The following DENND1A variants were observed in gnomAD, a reference collection of about 807,000 sequenced individuals.
DENND1A encodes DENN domain-containing protein 1A.
DENND1A carries 51 observed loss-of-function variants against 113.7 expected under a neutral mutation model. That is an observed-to-expected ratio of 0.45 (90% CI 0.36 to 0.57). DENND1A has a LOEUF of 0.57. DENND1A is among the 20% of genes least tolerant of loss of function. The probability of loss-of-function intolerance (pLI) is 0.00; values close to 1 mark genes in which losing one functional copy is unlikely to be tolerated. For synonymous variants in DENND1A, 565 were observed against 570.8 expected, an observed-to-expected ratio of 0.99 and a Z score of 0.14; for missense variants, 1,258 against 1,395.9, an observed-to-expected ratio of 0.90 and a Z score of 1.57.
At chr9:123,755,099 G>A (rs974742559) in intron 5 of DENND1A, among the ~76,000 whole-genome samples, 7 of 151,506 alleles carry the variant, frequency 4.6e-5, no homozygotes, top group Admixed American at 4.6e-4. Context: ...GGCTTGAGCT[G>A]CTGAGGTCCA....
chr9:123,442,717 G>A (rs10986019), intron 18 of DENND1A, among the ~76,000 whole-genome samples: 2,949 of 152,238 alleles, frequency 0.019, 47 homozygotes, highest in Non-Finnish European at 0.026. Flanking sequence ...TTTGGAAAAA[G>A]CATCTTAGTT....
chr9:123,495,085 C>G (rs117304141), intron 13 of DENND1A, among the ~76,000 whole-genome samples: 2,617 of 151,532 alleles, frequency 0.017, 55 homozygotes, highest in Non-Finnish European at 0.022. Flanking sequence ...AGCCACTGCA[C>G]CTGGCCTTTT....
intron 5 of DENND1A, among the ~76,000 whole-genome samples, chr9:123,684,838 C>T (rs2064708278): frequency 6.6e-6 from 1 of 152,176 alleles, no homozygotes; most frequent in Non-Finnish European, 1.5e-5. Context: ...GCCCATGTCT[C>T]AGTATCTGGG....
At chr9:123,463,405 T>C (rs2048691851) in intron 13 of DENND1A, among the ~76,000 whole-genome samples, 1 of 152,200 alleles carries the variant, frequency 6.6e-6, no homozygotes, top group South Asian at 2.1e-4. Flanking sequence ...AATGACTCTA[T>C]CCACAGCATT....
chr9:123,928,735 T>C, intron 1 of DENND1A: 1 of 985,446 alleles, frequency 1.0e-6, no homozygotes, highest in South Asian at 4.7e-5. Flanking sequence ...GGGCATCACC[T>C]GGACATGAGA....
At chr9:123,420,817 C>T (rs1037494557) in intron 19 of DENND1A, among the ~76,000 whole-genome samples, 3 of 90,522 alleles carry the variant, frequency 3.3e-5, no homozygotes, top group Non-Finnish European at 6.4e-5. Context: ...GGGAAGGCTG[C>T]GTGGGGGCCG....
At chr9:123,695,264 A>C (rs548415984) in intron 5 of DENND1A, among the ~76,000 whole-genome samples, 457 of 152,264 alleles carry the variant, frequency 3.0e-3, no homozygotes, top group Non-Finnish European at 4.9e-3. Context: ...CCTTAACTTC[A>C]AAAGAAATTC....
chr9:123,440,524 T>C (rs1216759619), intron 18 of DENND1A, 33 bp from the exon 19 acceptor site: 4 of 1,527,452 alleles, frequency 2.6e-6, no homozygotes, highest in Non-Finnish European at 3.5e-6. Flanking sequence ...CGGTTGGCAC[T>C]GGGGTTCTGG....
chr9:123,842,391 T>C (rs905384815), intron 2 of DENND1A, among the ~76,000 whole-genome samples: 1 of 152,150 alleles, frequency 6.6e-6, no homozygotes, highest in African/African-American at 2.4e-5. Context: ...GAGGACCATA[T>C]TTGCAGAAAT....
At chr9:123,453,979 G>T (rs2047924580) in intron 16 of DENND1A, among the ~76,000 whole-genome samples, 1 of 152,244 alleles carries the variant, frequency 6.6e-6, no homozygotes, top group Non-Finnish European at 1.5e-5. Flanking sequence ...AACAAAGGAA[G>T]TCTTTCATGA....
intron 13 of DENND1A, among the ~76,000 whole-genome samples, chr9:123,517,431 C>T (rs2054030531): frequency 1.3e-5 from 2 of 152,068 alleles, no homozygotes; most frequent in South Asian, 4.2e-4. Flanking sequence ...ACCAGCCTGG[C>T]TAACATGGTG....
intron 13 of DENND1A, among the ~76,000 whole-genome samples, chr9:123,545,487 G>A (rs2056603959): frequency 6.6e-6 from 1 of 150,404 alleles, no homozygotes; most frequent in Non-Finnish European, 1.5e-5. Context: ...TTTTTTTTGA[G>A]ACAGAGTCTC....
chr9:123,470,199 G>A (rs974193947), intron 13 of DENND1A, among the ~76,000 whole-genome samples: 1 of 152,208 alleles, frequency 6.6e-6, no homozygotes, highest in African/African-American at 2.4e-5. Flanking sequence ...ATTACATAGG[G>A]TGAGTCCACA....
chr9:123,393,212 A>G (rs1333633671), intron 21 of DENND1A, among the ~76,000 whole-genome samples: 1 of 152,228 alleles, frequency 6.6e-6, no homozygotes, highest in Non-Finnish European at 1.5e-5. Flanking sequence ...CACAGTGACT[A>G]ATCCACTACT....
At chr9:123,812,533 C>A (rs1025001045) in intron 2 of DENND1A, among the ~76,000 whole-genome samples, 3 of 152,000 alleles carry the variant, frequency 2.0e-5, no homozygotes, top group African/African-American at 7.2e-5. Flanking sequence ...GTTGCTAGAA[C>A]GTGAGCACCT....
chr9:123,658,262 T>A (rs977954505), intron 8 of DENND1A, among the ~76,000 whole-genome samples: 3 of 152,138 alleles, frequency 2.0e-5, no homozygotes, highest in Non-Finnish European at 4.4e-5. Context: ...TATATGATTA[T>A]CCATTAATCA....
chr9:123,911,463 A>G (rs1273895701), intron 1 of DENND1A, among the ~76,000 whole-genome samples: 3 of 152,254 alleles, frequency 2.0e-5, no homozygotes, highest in African/African-American at 7.2e-5. Context: ...TAAGACATCT[A>G]TAAGAATATT....
chr9:123,571,876 C>T (rs1003916078), intron 12 of DENND1A, among the ~76,000 whole-genome samples: 2 of 152,176 alleles, frequency 1.3e-5, no homozygotes, highest in African/African-American at 4.8e-5. Flanking sequence ...TATTGACAAA[C>T]TGTTTTCCAA....
chr9:123,774,285 A>T (rs1830157775), intron 3 of DENND1A, among the ~76,000 whole-genome samples: 1 of 152,218 alleles, frequency 6.6e-6, no homozygotes, highest in Non-Finnish European at 1.5e-5. Context: ...ACACACACAA[A>T]ATCCAAACAT....
Sources: allele counts gnomAD v4.1 joint callset (sites outside exome capture counted in the v4.1 genomes callset), GRCh38; gene constraint gnomAD v4.1.1; transcripts MANE v1.5; gene names NCBI Gene and HGNC (gene_info 2026-07-23, HGNC 2026-07-21).